The following FOXP4 variants were observed in gnomAD, a reference collection of about 807,000 sequenced individuals.
The protein encoded by FOXP4 is forkhead box P4.
A neutral mutation model predicts 82.6 loss-of-function variants in FOXP4; 25 were observed. The observed-to-expected ratio is 0.30, with a 90% CI of 0.22 to 0.42. The LOEUF (loss-of-function observed/expected upper bound fraction) is 0.42, where lower values mean the gene tolerates loss of function less well. FOXP4 is among the 10% of genes least tolerant of loss of function. The pLI is 1.00. For missense variants in FOXP4, 785 were observed against 900.9 expected (o/e 0.87, Z 1.65); for synonymous variants, 415 against 388.2 (o/e 1.07, Z -0.81).
At position 41,599,097 on chromosome 6, in the gene FOXP4, A is replaced by T; in HGVS notation, c.*161A>T. The stretch of plus-strand genomic sequence containing the variant: ...GCTCCCAGTGTGACCTGACAAAAAC[A>T]CGTAGGGGCAGGGACGGTCCCCACC... On this transcript the variant is annotated 3_prime_UTR_variant, in exon 17 of 17. Transcript: ENST00000307972. The T allele has an allele frequency of 1.0e-6, 1 of 970,026 alleles. No individual in the cohort carries two copies. Among genetic ancestry groups the T allele is most frequent in the Non-Finnish European group, 1.5e-6 (1 of 669,392 alleles). 60.1% of individuals were successfully genotyped at this position (970,026 alleles called of 1,614,324 possible). A position where few individuals can be genotyped will look rare whatever the true frequency, so the allele number is the denominator to read the frequency against.
At chr6:41,566,070 A>C in intron 2 of FOXP4, 106 bp downstream of exon 2, 2 of 1,252,308 alleles carry the variant, frequency 1.6e-6, no homozygotes, top group Non-Finnish European at 2.2e-6. Flanking sequence ...AGGCAGCCTC[A>C]CTTTACCATT....
chr6:41,589,345 T>G (rs1225996376), intron 9 of FOXP4, among the ~76,000 whole-genome samples: 2 of 152,222 alleles, frequency 1.3e-5, no homozygotes, highest in East Asian at 3.9e-4. Context: ...AGAGACCCAT[T>G]GAGTTTATGA....
At chr6:41,594,436 C>T (rs540362297) in intron 13 of FOXP4, among the ~76,000 whole-genome samples, 4 of 152,328 alleles carry the variant, frequency 2.6e-5, no homozygotes, top group Non-Finnish European at 5.9e-5. Context: ...TGTGGAAATT[C>T]TGCATGCAGC....
rs1766488397 is a variant in FOXP4 at position 41,591,111 on chromosome 6, A to T, written c.1435-110A>T. Reference sequence around the variant, plus strand: ...CACATTTCTGAGCAGGTCTTCTCACAAAGTGAACTCGGGGCTAGGCAGAAG... The same window carrying T: ...CACATTTCTGAGCAGGTCTTCTCACTAAGTGAACTCGGGGCTAGGCAGAAG... On this transcript the variant is annotated intron_variant, in intron 12 of 16. Transcript: ENST00000307972. This position sits in a 1 kb window ranked among gnomAD's most constrained non-coding sequence, Gnocchi z 4.2. 5 of 866,748 alleles carry T rather than the reference A, an allele frequency of 5.8e-6. No homozygotes were observed. The highest frequency in any genetic ancestry group is 9.3e-6 in the Non-Finnish European group (5 of 535,970). 53.7% of individuals were successfully genotyped at this position (866,748 alleles called of 1,614,324 possible). A position where few individuals can be genotyped will look rare whatever the true frequency, so the allele number is the denominator to read the frequency against.
intron 1 of FOXP4, among the ~76,000 whole-genome samples, chr6:41,547,179 G>A (rs1763680482): frequency 6.6e-6 from 1 of 151,966 alleles, no homozygotes; most frequent in African/African-American, 2.4e-5. Context: ...GGGGGCAGCC[G>A]GAGGCCGGGG....
At chr6:41,564,776 G>GTGCTACTTTTGA (rs528937336) in intron 1 of FOXP4, among the ~76,000 whole-genome samples, 211 of 152,288 alleles carry the variant, frequency 1.4e-3, no homozygotes, top group African/African-American at 4.4e-3. Flanking sequence ...CAGGTGCTAG[G>GTGCTACTTTTGA]CTGAGGGCTT....
At chr6:41,571,501 G>A (rs1039894052) in intron 2 of FOXP4, among the ~76,000 whole-genome samples, 1 of 152,230 alleles carries the variant, frequency 6.6e-6, no homozygotes. Context: ...ACTTGGTAGG[G>A]AAGGCGTCCT....
At chr6:41,571,365 T>C (rs956612524) in intron 2 of FOXP4, among the ~76,000 whole-genome samples, 6 of 152,254 alleles carry the variant, frequency 3.9e-5, no homozygotes, top group Non-Finnish European at 7.3e-5. Flanking sequence ...GTTCAGGGAA[T>C]GGAGAGAATG....
chr6:41,573,044 G>A (rs1329363488), intron 2 of FOXP4, among the ~76,000 whole-genome samples: 1 of 152,114 alleles, frequency 6.6e-6, no homozygotes, highest in African/African-American at 2.4e-5. Context: ...GCTCTCCAGG[G>A]GTTGTGGCCC....
intron 3 of FOXP4, among the ~76,000 whole-genome samples, chr6:41,581,016 C>T (rs1218830494): frequency 6.6e-6 from 1 of 152,228 alleles, no homozygotes; most frequent in Non-Finnish European, 1.5e-5. Flanking sequence ...TCATAGAAGG[C>T]AGCACAGGTG....
At chr6:41,562,665 C>T (rs1764652760) in intron 1 of FOXP4, among the ~76,000 whole-genome samples, 1 of 152,204 alleles carries the variant, frequency 6.6e-6, no homozygotes, top group Non-Finnish European at 1.5e-5. Flanking sequence ...TTTCCTTTCT[C>T]CTTTGCATGC....
rs1766639766 is a variant in FOXP4 at position 41,593,552 on chromosome 6, C to A, written c.1537-1318C>A. Among the ~76,000 whole-genome samples the A allele has an allele frequency of 1.3e-5, 2 of 152,202 alleles. No homozygotes were observed. The highest frequency in any genetic ancestry group is 4.1e-4 in the South Asian group (2 of 4,834). On this transcript the variant is annotated intron_variant, in intron 13 of 16. Coordinates refer to ENST00000307972, the MANE Select transcript of FOXP4 (RefSeq NM_001012426.2). This position sits in a 1 kb window ranked among gnomAD's most constrained non-coding sequence, Gnocchi z 4.1. ...AGGCTTCGAAATGAGGGAAAAAAGC[C>A]CCGGTGAGGCCATCCTCGGAAATTG...
Sources: gnomAD v4.1 joint callset for allele counts (sites outside exome capture counted in the v4.1 genomes callset) on GRCh38, gnomAD v4.1.1 for gene constraint, Gnocchi (gnomAD v3.1) non-coding constraint, MANE v1.5 for transcripts, NCBI Gene and HGNC (gene_info 2026-07-23, HGNC 2026-07-21) for gene names.